The following HLTF variants were observed in gnomAD, a reference collection of about 807,000 sequenced individuals.
HLTF encodes helicase like transcription factor, also known as DNA-dependent ATPase/E3 ubiquitin-protein ligase HLTF.
HLTF carries 127 observed loss-of-function variants against 129.4 expected under a neutral mutation model. That is an observed-to-expected ratio of 0.98 (90% CI 0.85 to 1.14). The LOEUF (loss-of-function observed/expected upper bound fraction) is 1.14. HLTF is among the 50% of genes most tolerant of loss of function. HLTF has a pLI of 0.00. For synonymous variants in HLTF, 332 were observed against 388.8 expected (o/e 0.85, Z 1.72); for missense variants, 1,139 against 1,187.1 (o/e 0.96, Z 0.60).
In HLTF at chr3:149,086,387, T is replaced by A; in HGVS notation, c.-51A>T. 6.4e-7 allele frequency: 1 copy of A among 1,555,174 alleles called. No homozygotes were observed. The highest frequency in any genetic ancestry group is 8.7e-7 in the Non-Finnish European group (1 of 1,148,168). On this transcript the variant is annotated 5_prime_UTR_variant, in exon 1 of 25. Transcript: ENST00000310053. The stretch of plus-strand genomic sequence containing the variant: ...GCGCCTCGGCTCCCCTGGATCGTTT[T>A]CGAGCCGCCTCGATACGCCTCCTTC...
chr3:149,053,966 C>A (rs903425219), intron 14 of HLTF, among the ~76,000 whole-genome samples: 1 of 151,874 alleles, frequency 6.6e-6, no homozygotes, highest in African/African-American at 2.4e-5. Context: ...AGCAACAGAC[C>A]ATTAACATTC....
In HLTF at chr3:149,041,656, G is replaced by A; in HGVS notation, c.2210C>T (p.Pro737Leu). The part of the protein sequence containing the change: ...SSNGPSGNDT[P>L]EELRKKLIRK... The stretch of plus-strand genomic sequence containing the variant: ...TATTAACTTCTTTCTCAGTTCTTCA[G>A]GTGTATCATTTCCTAGAGAAAAGGC... The change falls in exon 20 of 25, where the codon CCT becomes CTT. Residue 737 changes from proline (P) to leucine (L), a missense_variant. By Grantham distance (98) the Pro-to-Leu change is moderately conservative. Transcript: ENST00000310053. The A allele has an allele frequency of 6.2e-7, 1 of 1,608,734 alleles. No individual in the cohort carries two copies.
At chr3:149,063,550 A>G (rs1055276340) in intron 9 of HLTF, 26 bp from the exon 10 acceptor site, 2 of 1,354,720 alleles carry the variant, frequency 1.5e-6, no homozygotes, top group South Asian at 1.2e-5. Context: ...ATGCAAATAT[A>G]AAGTATTAGT....
Position 149,034,903 on chromosome 3 carries a change from T to G in HLTF, c.2877+15A>C. ...GTATCAACCTAGTCTTAAAATAGTTTGTTTAAAAACTCACTTTTGTGATGA... is the reference window on the plus strand; with the variant it reads ...GTATCAACCTAGTCTTAAAATAGTTGGTTTAAAAACTCACTTTTGTGATGA... On this transcript the variant is annotated intron_variant, in intron 24 of 24. Transcript: ENST00000310053. 1 of 1,566,374 alleles carries G rather than the reference T, an allele frequency of 6.4e-7. No homozygotes were observed. Among genetic ancestry groups the G allele is most frequent in the Non-Finnish European group, 8.8e-7 (1 of 1,136,420 alleles).
At chr3:149,036,679 G>T (rs1457635021) in intron 23 of HLTF, among the ~76,000 whole-genome samples, 1 of 152,046 alleles carries the variant, frequency 6.6e-6, no homozygotes, top group Admixed American at 6.6e-5. Context: ...CTACTCAAGA[G>T]GCTGAGGGAG....
At position 149,084,906 on chromosome 3, in the gene HLTF, G is replaced by A. The variant is rs752567218; in HGVS notation, c.21-17C>T. On this transcript the variant is annotated splice_polypyrimidine_tract_variant and intron_variant, in intron 1 of 24. Coordinates refer to ENST00000310053, the MANE Select transcript of HLTF (RefSeq NM_003071.4). ...ACTGGATCCCTATTTTTTTTTAAAG[G>A]CAAAGAAAAACAATATAATATTTAA... 1.9e-6 allele frequency: 3 copies of A among 1,565,860 alleles called. No homozygotes were observed. The highest frequency in any genetic ancestry group is 3.4e-5 in the Admixed American group (2 of 59,018).
rs761607385 is a variant in HLTF at position 149,032,236 on chromosome 3, G to T, written c.3014C>A (p.Thr1005Lys). 5 of 1,590,530 alleles carry T rather than the reference G, an allele frequency of 3.1e-6. No homozygotes were observed. In the African/African-American group the frequency reaches 6.8e-5, roughly 22 times the overall value. The change falls in exon 25 of 25, where the codon ACA (threonine) becomes AAA (lysine). Residue 1005 changes from threonine to lysine, a missense_variant. Physicochemically the swap from Thr to Lys is moderately conservative, Grantham distance 78. Coordinates refer to ENST00000310053, the MANE Select transcript of HLTF (RefSeq NM_003071.4). ...TCCCACAAATTATAAGTCAATTAAT[G>T]TTCTGATTTCATTAATTTTGGCTTG... ...MKQAKINEIR[T>K]LIDL is the part of the protein sequence containing the mutation.
Position 149,059,714 on chromosome 3 carries a change from T to C in HLTF, c.1375+4A>G, listed in dbSNP as rs778935196. The C allele has an allele frequency of 1.3e-6, 2 of 1,546,104 alleles. No homozygotes were observed. Among genetic ancestry groups the C allele is most frequent in the Admixed American group, 3.8e-5 (2 of 52,780 alleles). On this transcript the variant is annotated splice_donor_region_variant and intron_variant, in intron 13 of 24. Transcript: ENST00000310053. ...AAAACTAGAAAACAAGGATATTTAC[T>C]GACCCTTTTTCAACATTTTCTTTTT...
At position 149,041,668 on chromosome 3, in the gene HLTF, C is replaced by A; in HGVS notation, c.2198G>T (p.Gly733Val). ...TNAVSSNGPS[G>V]NDTPEELRKK... ...TCTCAGTTCTTCAGGTGTATCATTT[C>A]CTAGAGAAAAGGCTGAAAAATTAAT... Residue 733 changes from glycine (G) to valine (V), a missense_variant and splice_region_variant, in exon 20 of 25, where the codon GGA (glycine) becomes GTA (valine). Physicochemically the swap from Gly to Val is moderately radical, Grantham distance 109 (BLOSUM62 -3). Transcript: ENST00000310053. The A allele has an allele frequency of 6.2e-7, 1 of 1,602,314 alleles. No homozygotes were observed.
chr3:149,064,965 C>T (rs562097900), intron 8 of HLTF, 99 bp from the exon 9 acceptor site: 21 of 606,220 alleles, frequency 3.5e-5, no homozygotes, highest in African/African-American at 9.5e-5. Flanking sequence ...ATAATAAAAA[C>T]GACTTAAATT....
chr3:149,059,087 C>T (rs1289103288), intron 13 of HLTF, among the ~76,000 whole-genome samples: 2 of 152,186 alleles, frequency 1.3e-5, no homozygotes, highest in African/African-American at 2.4e-5. Context: ...TTTTTCTTCA[C>T]ATTACTTCTC....
At chr3:149,079,318 C>T (rs1298604399) in intron 2 of HLTF, among the ~76,000 whole-genome samples, 2 of 114,670 alleles carry the variant, frequency 1.7e-5, no homozygotes, top group Non-Finnish European at 3.4e-5. Context: ...ACATCATAAT[C>T]AAACTGTCAA....
Position 149,086,327 on chromosome 3 carries a change from T to A in HLTF, c.10A>T (p.Met4Leu), listed in dbSNP as rs1335001931. The change falls in exon 1 of 25, where the codon ATG (methionine) becomes TTG (leucine). Residue 4 changes from methionine (M) to leucine (L), a missense_variant. By Grantham distance (15) the Met-to-Leu change is conservative. Transcript: ENST00000310053. ...CTCCGCCCCCTTCACCTCTTGAACATCCAGGACATGGCGCTGAGTGGGATG... is the reference window on the plus strand; with the variant it reads ...CTCCGCCCCCTTCACCTCTTGAACAACCAGGACATGGCGCTGAGTGGGATG... MSW[M>L]FKRDPVWKYL... The A allele has an allele frequency of 5.0e-6, 8 of 1,600,788 alleles. No homozygotes were observed. Among genetic ancestry groups the A allele is most frequent in the Non-Finnish European group, 6.8e-6 (8 of 1,173,424 alleles).
Position 149,057,170 on chromosome 3 carries a change from G to C in HLTF, c.1376-1770C>G, listed in dbSNP as rs1296786922. Among the ~76,000 whole-genome samples, 5 of 143,454 alleles carry C rather than the reference G, an allele frequency of 3.5e-5. 1 individual carries two copies. Among genetic ancestry groups the C allele is most frequent in the Non-Finnish European group, 7.5e-5 (5 of 66,690 alleles). 94.1% of individuals were successfully genotyped at this position (143,454 alleles called of 152,430 possible). ...GGGCCAGGCATGGTGGCTCATGCCT[G>C]TAATCCCAGCACTTTGGAAGACTGA... On this transcript the variant is annotated intron_variant, in intron 13 of 24. Transcript: ENST00000310053.
intron 6 of HLTF, 31 bp downstream of exon 6, chr3:149,071,552 T>C (rs1285496102): frequency 3.4e-6 from 5 of 1,478,928 alleles, no homozygotes; most frequent in Non-Finnish European, 4.7e-6. Context: ...ACATTCTGAG[T>C]AGTCTTAAAT....
At chr3:149,056,451 T>C (rs1717436666) in intron 13 of HLTF, among the ~76,000 whole-genome samples, 1 of 152,228 alleles carries the variant, frequency 6.6e-6, no homozygotes, top group Non-Finnish European at 1.5e-5. Flanking sequence ...AATTGTATTT[T>C]CACACTAATT....
At chr3:149,075,011 G>T (rs1232617835) in intron 3 of HLTF, among the ~76,000 whole-genome samples, 1 of 152,170 alleles carries the variant, frequency 6.6e-6, no homozygotes. Context: ...CCTAGCTAAA[G>T]GGAGAGTTCC....
chr3:149,078,484 A>G (rs903073699), intron 2 of HLTF, among the ~76,000 whole-genome samples: 3 of 152,192 alleles, frequency 2.0e-5, no homozygotes, highest in Non-Finnish European at 4.4e-5. Flanking sequence ...CAGGAGTTCA[A>G]GGTTACAGTG....
chr3:149,041,094 A>C (rs1008737147), intron 20 of HLTF, among the ~76,000 whole-genome samples: 4 of 152,166 alleles, frequency 2.6e-5, no homozygotes, highest in African/African-American at 9.6e-5. Context: ...CCAAATTCTG[A>C]AGATTTAGTT....
Sources: gnomAD v4.1 joint callset for allele counts (sites outside exome capture counted in the v4.1 genomes callset) on GRCh38, gnomAD v4.1.1 for gene constraint, MANE v1.5 for transcripts, NCBI Gene and HGNC (gene_info 2026-07-23, HGNC 2026-07-21) for gene names.